TCF7L1: variants seen among roughly 807,000 people sequenced by gnomAD.
TCF7L1 encodes transcription factor 7-like 1.
Under a neutral mutation model 63.7 loss-of-function variants are expected in TCF7L1, and 18 were observed. That is an observed-to-expected ratio of 0.28 (90% CI 0.20 to 0.42). The LOEUF (loss-of-function observed/expected upper bound fraction) is 0.42, where lower values mean the gene tolerates loss of function less well. Ranked by LOEUF, TCF7L1 falls within the 10% of genes least tolerant of loss-of-function variation. The pLI is 1.00. For missense variants in TCF7L1, 654 were observed against 779.3 expected, an observed-to-expected ratio of 0.84 and a Z score of 1.91; for synonymous variants, 355 against 340.9, an observed-to-expected ratio of 1.04 and a Z score of -0.46.
intron 4 of TCF7L1, among the ~76,000 whole-genome samples, chr2:85,290,327 G>A (rs1681677710): frequency 6.6e-6 from 1 of 151,904 alleles, no homozygotes; most frequent in Non-Finnish European, 1.5e-5. Flanking sequence ...ATTTGTATAC[G>A]TGTGCGCTTT....
chr2:85,294,027 T>A (rs1322817183), intron 4 of TCF7L1, among the ~76,000 whole-genome samples: 1 of 58,518 alleles, frequency 1.7e-5, no homozygotes, highest in Non-Finnish European at 3.1e-5. Context: ...AACACTGGGA[T>A]TTTTTTTTTT....
chr2:85,188,453 C>G (rs1474291134), intron 3 of TCF7L1, among the ~76,000 whole-genome samples: 1 of 152,154 alleles, frequency 6.6e-6, no homozygotes, highest in Non-Finnish European at 1.5e-5. Flanking sequence ...AATCTATAAT[C>G]ATTTTGAAAT....
chr2:85,168,192 A>AACACAC (rs55736939), intron 3 of TCF7L1, among the ~76,000 whole-genome samples: 7,022 of 145,642 alleles, frequency 0.048, 186 homozygotes, highest in Non-Finnish European at 0.061. Context: ...GTTCTTACCA[A>AACACAC]ACACACACAC....
intron 3 of TCF7L1, among the ~76,000 whole-genome samples, chr2:85,265,798 A>T (rs1207989048): frequency 4.0e-5 from 6 of 151,576 alleles, no homozygotes; most frequent in African/African-American, 7.3e-5. Context: ...TATATATTTA[A>T]TTTTTTTAAT....
intron 3 of TCF7L1, among the ~76,000 whole-genome samples, chr2:85,166,146 C>T (rs144779482): frequency 1.3e-5 from 2 of 152,344 alleles, no homozygotes; most frequent in African/African-American, 4.8e-5. Flanking sequence ...CCTCCTGAGT[C>T]ACCTGTCTGG....
intron 3 of TCF7L1, among the ~76,000 whole-genome samples, chr2:85,258,456 G>T (rs1333477169): frequency 1.3e-5 from 2 of 152,132 alleles, no homozygotes. Context: ...CTTTGATGGG[G>T]GTGCTGAGAT....
chr2:85,259,120 T>C (rs1680795800), intron 3 of TCF7L1, among the ~76,000 whole-genome samples: 1 of 152,246 alleles, frequency 6.6e-6, no homozygotes, highest in Non-Finnish European at 1.5e-5. Flanking sequence ...ATTGTCATTC[T>C]GTCCCCCACA....
chr2:85,214,754 G>A (rs527339923), intron 3 of TCF7L1, among the ~76,000 whole-genome samples: 1 of 152,268 alleles, frequency 6.6e-6, no homozygotes, highest in Admixed American at 6.5e-5. Flanking sequence ...GGTAACAGGG[G>A]CTCCCCGAGT....
chr2:85,274,515 T>C (rs1681228454), intron 3 of TCF7L1, among the ~76,000 whole-genome samples: 1 of 151,980 alleles, frequency 6.6e-6, no homozygotes, highest in Non-Finnish European at 1.5e-5. Context: ...TGTCTCAGCT[T>C]TCCAGCCATC....
chr2:85,171,404 G>A (rs572821684), intron 3 of TCF7L1, among the ~76,000 whole-genome samples: 8 of 152,294 alleles, frequency 5.3e-5, no homozygotes, highest in East Asian at 3.9e-4. Flanking sequence ...TGTAATTTCC[G>A]CTCCAGATAG....
At chr2:85,238,622 A>G (rs913657637) in intron 3 of TCF7L1, among the ~76,000 whole-genome samples, 5 of 152,044 alleles carry the variant, frequency 3.3e-5, no homozygotes, top group South Asian at 2.1e-4. Flanking sequence ...CTATGCCCTC[A>G]TGGATATCAC....
intron 4 of TCF7L1, among the ~76,000 whole-genome samples, chr2:85,301,172 A>T (rs144712755): frequency 6.6e-6 from 1 of 152,240 alleles, no homozygotes; most frequent in Admixed American, 6.5e-5. Context: ...TCTGTGACAG[A>T]TAAGTTTTAC....
rs1558649406 is a variant in TCF7L1 at position 85,261,126 on chromosome 2, GTGTGTGTGT to G, written c.442-22368_442-22360del. On this transcript the variant is annotated intron_variant, in intron 3 of 11. Transcript: ENST00000282111. ...AATTACTTCCTCAATTATTGCTGGT[GTGTGTGTGT>G]GTGTGTGTGTGTGTGTGTGTGTGTG... is the stretch of plus-strand genomic sequence containing the variant. 1.0e-2 allele frequency among the ~76,000 whole-genome samples: 1,067 copies of G among 106,872 alleles called. 8 individuals are homozygous for G. The highest frequency in any genetic ancestry group is 0.023 in the African/African-American group (534 of 23,324). 70.1% of individuals were successfully genotyped at this position (106,872 alleles called of 152,430 possible). A position where few individuals can be genotyped will look rare whatever the true frequency, so the allele number is the denominator to read the frequency against.
At chr2:85,151,870 G>T (rs1678024924) in intron 3 of TCF7L1, among the ~76,000 whole-genome samples, 1 of 152,114 alleles carries the variant, frequency 6.6e-6, no homozygotes, top group African/African-American at 2.4e-5. Context: ...AAAATTTGCT[G>T]ACCCTTGTTT....
At chr2:85,190,709 T>C (rs570127028) in intron 3 of TCF7L1, among the ~76,000 whole-genome samples, 1 of 152,212 alleles carries the variant, frequency 6.6e-6, no homozygotes, top group Non-Finnish European at 1.5e-5. Context: ...GCCAAAGAGA[T>C]AGTAGAATCT....
intron 3 of TCF7L1, among the ~76,000 whole-genome samples, chr2:85,263,777 G>A (rs1322399323): frequency 1.3e-5 from 2 of 152,230 alleles, no homozygotes; most frequent in East Asian, 3.8e-4. Context: ...CACCGCGTGG[G>A]TGCCAACCTG....
At chr2:85,161,791 G>A (rs1336629669) in intron 3 of TCF7L1, among the ~76,000 whole-genome samples, 1 of 152,220 alleles carries the variant, frequency 6.6e-6, no homozygotes, top group Non-Finnish European at 1.5e-5. Context: ...GTTGGTGCCA[G>A]GATGCTGGCC....
intron 3 of TCF7L1, among the ~76,000 whole-genome samples, chr2:85,155,203 G>A (rs1678116099): frequency 6.6e-6 from 1 of 152,174 alleles, no homozygotes; most frequent in Admixed American, 6.5e-5. Flanking sequence ...GAACTTTTCT[G>A]TCTTACGAGA....
rs749126805 is a variant in TCF7L1, at chr2:85,309,412, C to T, written c.1717C>T (p.Pro573Ser). The T allele has an allele frequency of 3.2e-6, 5 of 1,579,678 alleles. No homozygotes were observed. In the South Asian group the frequency reaches 4.7e-5, roughly 15 times the overall value. ...CACGCTCCATGCCCACCAGGCCCTCCCGGTGCTACAGGCCCAGCCTCTTTC... is the reference window on the plus strand; with the variant it reads ...CACGCTCCATGCCCACCAGGCCCTCTCGGTGCTACAGGCCCAGCCTCTTTC... ...PATLHAHQAL[P>S]VLQAQPLSLV... The change falls in exon 12 of 12, where the codon CCG becomes TCG. Residue 573 changes from proline to serine, a missense_variant. Physicochemically the swap from Pro to Ser is moderately conservative, Grantham distance 74. Coordinates refer to ENST00000282111, the MANE Select transcript of TCF7L1 (RefSeq NM_031283.3).
Sources: gnomAD v4.1 joint callset for allele counts (sites outside exome capture counted in the v4.1 genomes callset) on GRCh38, gnomAD v4.1.1 for gene constraint, MANE v1.5 for transcripts, NCBI Gene and HGNC (gene_info 2026-07-23, HGNC 2026-07-21) for gene names.